Variants in RNF212B observed in about 807,000 individuals in gnomAD.
The protein encoded by RNF212B is E3 ubiquitin-protein ligase RNF212B.
Under a neutral mutation model 55.5 loss-of-function variants are expected in RNF212B, and 52 were observed. That is an observed-to-expected ratio of 0.94 (90% CI 0.75 to 1.18). RNF212B has a LOEUF of 1.18. RNF212B is among the 50% of genes most tolerant of loss of function. The pLI is 0.00. For synonymous variants in RNF212B, 99 were observed against 121.4 expected (o/e 0.82, Z 1.21); for missense variants, 289 against 350.4 (o/e 0.82, Z 1.40).
chr14:23,243,428 G>T, intron 3 of RNF212B, 120 bp downstream of exon 3: 1 of 919,800 alleles, frequency 1.1e-6, no homozygotes. Flanking sequence ...GGGCGTGGTG[G>T]CTCAGGCCTG....
chr14:23,233,277 C>G (rs1045447096), upstream of RNF212B, among the ~76,000 whole-genome samples: 1 of 152,024 alleles, frequency 6.6e-6, no homozygotes, highest in Non-Finnish European at 1.5e-5. Flanking sequence ...TGCGGAAGGC[C>G]GCAGGGTCCT....
chr14:23,239,471 C>G (rs1883395224), intron 1 of RNF212B, among the ~76,000 whole-genome samples: 3 of 152,126 alleles, frequency 2.0e-5, no homozygotes. Context: ...TAAAATGTGT[C>G]CCAAGTGGCT....
intron 3 of RNF212B, among the ~76,000 whole-genome samples, 159 bp downstream of exon 3, chr14:23,243,467 G>C (rs558740060): frequency 4.0e-5 from 6 of 151,754 alleles, no homozygotes; most frequent in African/African-American, 1.2e-4. Flanking sequence ...AGGTCAAGGC[G>C]GGTGGATCGC....
intron 11 of RNF212B, among the ~76,000 whole-genome samples, chr14:23,266,666 C>T (rs1334355084): frequency 6.6e-6 from 1 of 152,126 alleles, no homozygotes; most frequent in Non-Finnish European, 1.5e-5. Context: ...CTGCCTCATC[C>T]TCCCAAAGTG....
chr14:23,225,236 G>A (rs1013701339), intron 2 of RNF212B, among the ~76,000 whole-genome samples: 1 of 152,176 alleles, frequency 6.6e-6, no homozygotes, highest in South Asian at 2.1e-4. Context: ...CCACTGTGGA[G>A]AACAGTTTGG....
intron 14 of RNF212B, among the ~76,000 whole-genome samples, chr14:23,271,502 T>G (rs1221547695): frequency 2.2e-5 from 1 of 45,158 alleles, no homozygotes; most frequent in Non-Finnish European, 5.9e-5. Flanking sequence ...TTTTTGTTTG[T>G]TTTTTTTAAT....
At chr14:23,264,533 C>A in intron 10 of RNF212B, 90 bp from the exon 11 acceptor site, 1 of 944,348 alleles carries the variant, frequency 1.1e-6, no homozygotes, top group Non-Finnish European at 1.5e-6. Context: ...ACAATATATG[C>A]TTGAATGTGT....
At chr14:23,231,057 C>T (rs1326080040) in intron 2 of RNF212B, among the ~76,000 whole-genome samples, 5 of 152,134 alleles carry the variant, frequency 3.3e-5, no homozygotes, top group African/African-American at 1.2e-4. Flanking sequence ...CAATATGAGT[C>T]TTCCAAATTT....
At chr14:23,189,557 C>T (rs982742328) in intron 1 of RNF212B, among the ~76,000 whole-genome samples, 34 of 152,224 alleles carry the variant, frequency 2.2e-4, no homozygotes, top group African/African-American at 8.2e-4. Flanking sequence ...AATCCCATCA[C>T]TTTGGGAGGC....
chr14:23,265,887 T>A (rs1468017853), intron 11 of RNF212B, among the ~76,000 whole-genome samples: 1 of 152,226 alleles, frequency 6.6e-6, no homozygotes, highest in Admixed American at 6.5e-5. Context: ...ATGTTTCCAG[T>A]CATAAATTTC....
chr14:23,258,692 G>T, intron 5 of RNF212B, 28 bp downstream of exon 5: 4 of 811,330 alleles, frequency 4.9e-6, no homozygotes, highest in Admixed American at 3.6e-5. Context: ...TCCCAAGAGA[G>T]CTTTTTTTTT....
intron 4 of RNF212B, among the ~76,000 whole-genome samples, chr14:23,249,222 G>C (rs942807658): frequency 6.6e-6 from 1 of 152,202 alleles, no homozygotes; most frequent in Non-Finnish European, 1.5e-5. Flanking sequence ...CAATAGACCA[G>C]AGCTTCTCCA....
chr14:23,193,880 T>G (rs1367775938), intron 2 of RNF212B, among the ~76,000 whole-genome samples: 1 of 152,182 alleles, frequency 6.6e-6, no homozygotes, highest in Non-Finnish European at 1.5e-5. Flanking sequence ...TCACTCTTGT[T>G]GCCCAAGCTG....
chr14:23,221,647 A>G (rs1017961895), intron 2 of RNF212B, among the ~76,000 whole-genome samples: 3 of 152,182 alleles, frequency 2.0e-5, no homozygotes, highest in African/African-American at 7.2e-5. Context: ...AACCTAATAA[A>G]CATTTGCAGA....
intron 4 of RNF212B, among the ~76,000 whole-genome samples, chr14:23,257,125 C>G (rs1434656893): frequency 6.6e-6 from 1 of 151,860 alleles, no homozygotes. Flanking sequence ...TGCACTCCAG[C>G]CTGGGCGACA....
chr14:23,217,957 C>T (rs1250529804), intron 2 of RNF212B, among the ~76,000 whole-genome samples: 5 of 152,052 alleles, frequency 3.3e-5, no homozygotes, highest in Admixed American at 2.0e-4. Context: ...TTCAAAATAG[C>T]TGTTTTAAGG....
chr14:23,196,512 T>C lies in RNF212B; in HGVS notation c.-2+3111T>C, dbSNP rs1033633374. On this transcript the variant is annotated intron_variant, in intron 2 of 15. Coordinates refer to the RNF212B transcript ENST00000399910. ...TGGAGGGCAGTGGAGTGATCATAGCTCACTACAGCCTTGAATTCCTGGGCT... is the reference window on the plus strand; with the variant it reads ...TGGAGGGCAGTGGAGTGATCATAGCCCACTACAGCCTTGAATTCCTGGGCT... Among the ~76,000 whole-genome samples the C allele has an allele frequency of 2.6e-5, 4 of 152,220 alleles. No individual in the cohort carries two copies. In the East Asian group the frequency reaches 7.7e-4, roughly 29 times the overall value.
At chr14:23,243,667 G>A (rs1185552625) in intron 3 of RNF212B, among the ~76,000 whole-genome samples, 1 of 125,362 alleles carries the variant, frequency 8.0e-6, no homozygotes, top group Non-Finnish European at 1.6e-5. Context: ...CTGCACTCCA[G>A]CTTGGGCTCA....
intron 2 of RNF212B, among the ~76,000 whole-genome samples, chr14:23,224,819 C>G (rs887670956): frequency 1.3e-5 from 2 of 152,084 alleles, no homozygotes; most frequent in Middle Eastern, 3.2e-3. Context: ...AACAGACAAT[C>G]CACAGAATGA....
Sources: allele counts gnomAD v4.1 joint callset (sites outside exome capture counted in the v4.1 genomes callset), GRCh38; gene constraint gnomAD v4.1.1; transcripts MANE v1.5; gene names NCBI Gene and HGNC (gene_info 2026-07-23, HGNC 2026-07-21).